LRRC4C: variants seen among roughly 807,000 people sequenced by gnomAD.
The protein encoded by LRRC4C is leucine-rich repeat-containing protein 4C.
LRRC4C carries 5 observed loss-of-function variants against 33.6 expected under a neutral mutation model. The ratio of observed to expected loss-of-function variants is 0.15; its 90% confidence interval spans 0.08 to 0.31. LRRC4C has a LOEUF of 0.31. Among genes scored for constraint, LRRC4C ranks in the 10% least tolerant of loss-of-function variants. LRRC4C has a pLI of 1.00. For synonymous variants in LRRC4C, 329 were observed against 302.0 expected, an observed-to-expected ratio of 1.09 and a Z score of -0.93; for missense variants, 560 against 796.7, an observed-to-expected ratio of 0.70 and a Z score of 3.58.
At chr11:41,368,553 C>A (rs1002099754) in intron 1 of LRRC4C, among the ~76,000 whole-genome samples, 1 of 152,104 alleles carries the variant, frequency 6.6e-6, no homozygotes, top group South Asian at 2.1e-4. Flanking sequence ...TAAATAGCAC[C>A]TTTGGAATGA....
In LRRC4C at chr11:40,843,676, G is replaced by T. The variant is rs183257513; in HGVS notation, c.-407+89959C>A. ...ACTATGTTCAAAACAAGTTTATGCA[G>T]ATTCCTAAACCATTTATTCCATAAT... On this transcript the variant is annotated intron_variant, in intron 2 of 6. Transcript: ENST00000528697. 1.6e-3 allele frequency among the ~76,000 whole-genome samples: 239 copies of T among 152,268 alleles called. 2 individuals carry two copies. The highest frequency in any genetic ancestry group is 5.5e-3 in the African/African-American group (230 of 41,568).
intron 1 of LRRC4C, among the ~76,000 whole-genome samples, chr11:41,278,984 C>T (rs1266494839): frequency 6.6e-6 from 1 of 152,104 alleles, no homozygotes; most frequent in African/African-American, 2.4e-5. Context: ...CCTCTCCCAT[C>T]CTCCCTGTTC....
intron 1 of LRRC4C, among the ~76,000 whole-genome samples, chr11:40,983,322 C>T (rs1254985526): frequency 6.6e-6 from 1 of 152,078 alleles, no homozygotes; most frequent in Non-Finnish European, 1.5e-5. Context: ...TTCTCCAGAG[C>T]CTCTCCAGGA....
chr11:41,040,549 A>G (rs1327962752), intron 1 of LRRC4C, among the ~76,000 whole-genome samples: 1 of 152,194 alleles, frequency 6.6e-6, no homozygotes, highest in Admixed American at 6.5e-5. Flanking sequence ...CTCAGCTGAA[A>G]CACACATTTC....
chr11:40,762,387 C>A (rs757266349), intron 2 of LRRC4C, among the ~76,000 whole-genome samples: 1 of 152,086 alleles, frequency 6.6e-6, no homozygotes, highest in African/African-American at 2.4e-5. Context: ...ACTCATCTGG[C>A]AAATCAGAGA....
chr11:40,186,654 C>G (rs1161445456), intron 5 of LRRC4C, among the ~76,000 whole-genome samples: 1 of 152,170 alleles, frequency 6.6e-6, no homozygotes, highest in Non-Finnish European at 1.5e-5. Context: ...AATCTTTGCT[C>G]GGCCAGTAGC....
chr11:41,002,907 A>G (rs897355223), intron 1 of LRRC4C, among the ~76,000 whole-genome samples: 49 of 152,204 alleles, frequency 3.2e-4, no homozygotes, highest in Non-Finnish European at 1.6e-4. Context: ...GCAAGGTGGT[A>G]CTTTAAAATA....
intron 4 of LRRC4C, among the ~76,000 whole-genome samples, chr11:40,279,319 C>G (rs1419822415): frequency 6.6e-6 from 1 of 152,088 alleles, no homozygotes; most frequent in African/African-American, 2.4e-5. Flanking sequence ...ATAAATGCAA[C>G]AAATCTGTTT....
rs1487078 is a variant in LRRC4C, at chr11:41,142,509, T to C, written c.-495-208786A>G. ...TAGGAACTACTGATTTAATGGTTAC[T>C]AGGGATGTGGTGCTCCTGTAAACAT... On this transcript the variant is annotated intron_variant, in intron 1 of 6. Coordinates refer to ENST00000528697, the MANE Select transcript of LRRC4C (RefSeq NM_001258419.2). 9.4e-3 allele frequency among the ~76,000 whole-genome samples: 1,431 copies of C among 152,298 alleles called. 9 individuals are homozygous for C. The highest frequency in any genetic ancestry group is 0.014 in the Admixed American group (208 of 15,294).
intron 1 of LRRC4C, among the ~76,000 whole-genome samples, chr11:41,335,622 A>G (rs1318712970): frequency 6.6e-6 from 1 of 152,190 alleles, no homozygotes; most frequent in Non-Finnish European, 1.5e-5. Context: ...GTACTTACTA[A>G]TTGCCTATCA....
intron 3 of LRRC4C, among the ~76,000 whole-genome samples, chr11:40,413,557 G>A (rs774828217): frequency 5.3e-5 from 8 of 152,036 alleles, no homozygotes; most frequent in Non-Finnish European, 1.2e-4. Context: ...TTAGCTAAAC[G>A]TCCCTGTGGT....
intron 2 of LRRC4C, among the ~76,000 whole-genome samples, chr11:40,671,301 T>G (rs1944093216): frequency 6.6e-6 from 1 of 152,172 alleles, no homozygotes; most frequent in African/African-American, 2.4e-5. Flanking sequence ...GTCTTTGAAA[T>G]AGTATTTTGT....
intron 3 of LRRC4C, among the ~76,000 whole-genome samples, chr11:40,522,359 G>T (rs1352546429): frequency 1.3e-5 from 2 of 152,140 alleles, no homozygotes; most frequent in Admixed American, 6.6e-5. Flanking sequence ...CAGATGGATG[G>T]TGGTTAATAT....
chr11:41,283,677 T>C (rs1031112538), intron 1 of LRRC4C, among the ~76,000 whole-genome samples: 1 of 152,206 alleles, frequency 6.6e-6, no homozygotes, highest in Non-Finnish European at 1.5e-5. Flanking sequence ...GTGCAGTAGT[T>C]GTGCCAGAGA....
chr11:41,307,122 G>A (rs1355041702), intron 1 of LRRC4C, among the ~76,000 whole-genome samples: 1 of 152,166 alleles, frequency 6.6e-6, no homozygotes, highest in African/African-American at 2.4e-5. Flanking sequence ...AGGGTGAGGG[G>A]ATACGGCTTG....
chr11:41,334,685 A>T (rs956779079), intron 1 of LRRC4C, among the ~76,000 whole-genome samples: 12 of 152,008 alleles, frequency 7.9e-5, no homozygotes, highest in South Asian at 2.1e-4. Flanking sequence ...AAAATAAATA[A>T]TTTTTTTAAA....
chr11:41,049,198 C>T (rs933949403), intron 1 of LRRC4C, among the ~76,000 whole-genome samples: 1 of 152,126 alleles, frequency 6.6e-6, no homozygotes, highest in South Asian at 2.1e-4. Flanking sequence ...TTCCTCCATA[C>T]TATTCTTGTG....
chr11:41,137,242 CAAAAAAGA>C (rs1398663591), intron 1 of LRRC4C, among the ~76,000 whole-genome samples: 3 of 149,178 alleles, frequency 2.0e-5, no homozygotes, highest in South Asian at 2.1e-4. Context: ...ACTCAGTCTC[CAAAAAAGA>C]AAAAAAGAAA....
At chr11:40,468,677 T>C (rs1365774342) in intron 3 of LRRC4C, among the ~76,000 whole-genome samples, 3 of 152,208 alleles carry the variant, frequency 2.0e-5, no homozygotes, top group Non-Finnish European at 4.4e-5. Context: ...CATGTGTATT[T>C]GTATATATGT....
Sources: gnomAD v4.1 joint callset for allele counts (sites outside exome capture counted in the v4.1 genomes callset) on GRCh38, gnomAD v4.1.1 for gene constraint, MANE v1.5 for transcripts, NCBI Gene and HGNC (gene_info 2026-07-23, HGNC 2026-07-21) for gene names.